Variants in HDAC4 observed in about 807,000 individuals in gnomAD.
The protein encoded by HDAC4 is histone deacetylase A.
A neutral mutation model predicts 135.1 loss-of-function variants in HDAC4; 16 were observed. That is an observed-to-expected ratio of 0.12 (90% CI 0.08 to 0.18). HDAC4 has a LOEUF of 0.18. HDAC4 is among the 10% of genes least tolerant of loss of function. The probability of loss-of-function intolerance (pLI) is 1.00; values close to 1 mark genes in which losing one functional copy is unlikely to be tolerated. For missense variants in HDAC4, 1,143 were observed against 1,511.8 expected (o/e 0.76, Z 4.05); for synonymous variants, 685 against 653.4 (o/e 1.05, Z -0.74).
At chr2:239,137,478 T>A (rs749574116) in intron 9 of HDAC4, among the ~76,000 whole-genome samples, 1 of 151,390 alleles carries the variant, frequency 6.6e-6, no homozygotes, top group Non-Finnish European at 1.5e-5. Context: ...GTGCCGGCAC[T>A]CTGGGCCTCC....
chr2:239,228,142 C>CA (rs909125577), intron 3 of HDAC4, among the ~76,000 whole-genome samples: 2 of 152,190 alleles, frequency 1.3e-5, no homozygotes, highest in African/African-American at 4.8e-5. Context: ...TGCAAGAGAA[C>CA]ACAGACCCCT....
At chr2:239,084,749 A>G (rs1172501982) in intron 19 of HDAC4, among the ~76,000 whole-genome samples, 4 of 122,554 alleles carry the variant, frequency 3.3e-5, no homozygotes, top group African/African-American at 1.3e-4. Context: ...ACGCCCATAC[A>G]CCACAGACAC....
At chr2:239,365,023 T>A (rs1285426741) in intron 1 of HDAC4, among the ~76,000 whole-genome samples, 2 of 152,178 alleles carry the variant, frequency 1.3e-5, no homozygotes, top group Non-Finnish European at 2.9e-5. Flanking sequence ...ATATATGAAA[T>A]CATTTTTAAT....
chr2:239,185,716 T>C (rs558158288), intron 4 of HDAC4, among the ~76,000 whole-genome samples: 6 of 152,242 alleles, frequency 3.9e-5, no homozygotes, highest in Admixed American at 1.3e-4. Flanking sequence ...TCCATATTCT[T>C]CTGGGAGGCA....
chr2:239,336,845 G>A (rs899877250), intron 2 of HDAC4, among the ~76,000 whole-genome samples: 1 of 152,204 alleles, frequency 6.6e-6, no homozygotes, highest in African/African-American at 2.4e-5. Context: ...TCCCACTAAT[G>A]TCTTTTACTG....
intron 7 of HDAC4, among the ~76,000 whole-genome samples, chr2:239,149,993 A>G (rs2042009559): frequency 1.3e-5 from 2 of 152,352 alleles, no homozygotes; most frequent in Admixed American, 6.5e-5. Context: ...CAGTGAGGAA[A>G]GGTGCTCAAA....
chr2:239,294,045 C>T (rs944577356), intron 2 of HDAC4, among the ~76,000 whole-genome samples: 6 of 152,222 alleles, frequency 3.9e-5, no homozygotes, highest in Non-Finnish European at 5.9e-5. Context: ...CACAAATACC[C>T]GCCCATCGTC....
At chr2:239,083,007 GA>G (rs1417443677) in intron 20 of HDAC4, among the ~76,000 whole-genome samples, 3 of 152,376 alleles carry the variant, frequency 2.0e-5, no homozygotes, top group East Asian at 1.9e-4. Flanking sequence ...GCTCATCACA[GA>G]AAAGGCGGAA....
In HDAC4 at chr2:239,054,730, A is replaced by G; in HGVS notation, c.3088+19T>C. ...CCCCAGGGGCGTGTCCCCTGTGAGC[A>G]CCCAGCCAGGCAACTTACTGTGGAT... On this transcript the variant is annotated intron_variant, in intron 25 of 26. Coordinates refer to ENST00000543185, the MANE Select transcript of HDAC4 (RefSeq NM_001378414.1). The G allele has an allele frequency of 6.4e-7, 1 of 1,563,254 alleles. No individual in the cohort carries two copies.
intron 21 of HDAC4, among the ~76,000 whole-genome samples, chr2:239,081,478 C>G (rs542996263): frequency 2.6e-5 from 4 of 152,248 alleles, no homozygotes; most frequent in Admixed American, 2.6e-4. Context: ...TCTGCGGACC[C>G]GCCGCCCTGT....
intron 2 of HDAC4, among the ~76,000 whole-genome samples, chr2:239,291,040 C>A (rs2051459881): frequency 6.6e-6 from 1 of 152,262 alleles, no homozygotes; most frequent in African/African-American, 2.4e-5. Context: ...CAGAAGGCAG[C>A]GCCTGCCTCC....
intron 1 of HDAC4, among the ~76,000 whole-genome samples, chr2:239,376,662 C>A (rs1183944824): frequency 2.0e-5 from 3 of 152,232 alleles, no homozygotes; most frequent in Non-Finnish European, 2.9e-5. Context: ...GCCCGGGACG[C>A]CTAGTTTTTT....
chr2:239,337,871 TACAAATAGCAAGAGA>T (rs1220505955), intron 2 of HDAC4, among the ~76,000 whole-genome samples: 1 of 152,032 alleles, frequency 6.6e-6, no homozygotes, highest in Non-Finnish European at 1.5e-5. Context: ...TCGGGACAAT[TACAAATAGCAAGAGA>T]ACAAGAAATG....
chr2:239,127,231 C>G (rs891068945), intron 11 of HDAC4, among the ~76,000 whole-genome samples: 1 of 152,154 alleles, frequency 6.6e-6, no homozygotes, highest in Non-Finnish European at 1.5e-5. Flanking sequence ...ACAAAGATGG[C>G]GTAAACATTT....
chr2:239,375,827 C>T (rs988537921), intron 1 of HDAC4, among the ~76,000 whole-genome samples: 1 of 152,178 alleles, frequency 6.6e-6, no homozygotes, highest in African/African-American at 2.4e-5. Context: ...TGAGTGCCCC[C>T]GACTGCAGGC....
intron 22 of HDAC4, 28 bp downstream of exon 22, chr2:239,081,067 A>C (rs2152683274): frequency 6.5e-7 from 1 of 1,529,284 alleles, no homozygotes; most frequent in East Asian, 2.3e-5. Context: ...CTGCTACTTC[A>C]GGTGTCATGT....
At chr2:239,382,164 C>T (rs749036810) in intron 1 of HDAC4, among the ~76,000 whole-genome samples, 1 of 152,248 alleles carries the variant, frequency 6.6e-6, no homozygotes, top group African/African-American at 2.4e-5. Flanking sequence ...AGGACCTGCA[C>T]CCACGTAACA....
At position 239,209,985 on chromosome 2, in the gene HDAC4, G is replaced by A. The variant is rs188522304; in HGVS notation, c.95-19908C>T. On this transcript the variant is annotated intron_variant, in intron 3 of 26. Coordinates refer to ENST00000543185, the MANE Select transcript of HDAC4 (RefSeq NM_001378414.1). ...ACTACGGGTGGAGAGGCAGGGAGCGGGGGCGTGGGAGCAGCAGCAGCATGA... is the reference window on the plus strand; with the variant it reads ...ACTACGGGTGGAGAGGCAGGGAGCGAGGGCGTGGGAGCAGCAGCAGCATGA... 5.9e-5 allele frequency among the ~76,000 whole-genome samples: 9 copies of A among 152,274 alleles called. No individual in the cohort carries two copies. The East Asian group carries it at 1.5e-3, about 26-fold the overall frequency.
In HDAC4 at chr2:239,126,576, C is replaced by T; in HGVS notation, c.1413G>A (p.Gln471=). The change falls in exon 12 of 27, where the codon CAG becomes CAA. Residue 471 remains glutamine, a synonymous_variant. Transcript: ENST00000543185. Reference sequence around the variant, plus strand: ...GGGCGTTCTGGGGCAGCGGGGCCGACTGGGTCCGCCCCAGTGGGCGGTGCT... The same window carrying T: ...GGGCGTTCTGGGGCAGCGGGGCCGATTGGGTCCGCCCCAGTGGGCGGTGCT... ...LRQHRPLGRT[Q]SAPLPQNAQA... The T allele has an allele frequency of 6.2e-7, 1 of 1,613,910 alleles. No homozygotes were observed. The highest frequency in any genetic ancestry group is 8.5e-7 in the Non-Finnish European group (1 of 1,179,988).
Sources: gnomAD v4.1 joint callset for allele counts (sites outside exome capture counted in the v4.1 genomes callset) on GRCh38, gnomAD v4.1.1 for gene constraint, MANE v1.5 for transcripts, NCBI Gene and HGNC (gene_info 2026-07-23, HGNC 2026-07-21) for gene names.